The following CDC42SE2 variants were observed in gnomAD, a reference collection of about 807,000 sequenced individuals.
CDC42SE2 encodes the protein CDC42 small effector 2.
In CDC42SE2, 3 loss-of-function variants were observed where a neutral mutation model predicts 11.5. That is an observed-to-expected ratio of 0.26 (90% CI 0.12 to 0.67). The LOEUF (loss-of-function observed/expected upper bound fraction) is 0.67. CDC42SE2 is among the 30% of genes least tolerant of loss of function. CDC42SE2 has a pLI of 0.80. For missense variants in CDC42SE2, 82 were observed against 106.8 expected (o/e 0.77, Z 1.02); for synonymous variants, 33 against 34.8 (o/e 0.95, Z 0.18).
intron 1 of CDC42SE2, among the ~76,000 whole-genome samples, chr5:131,272,400 C>A (rs6596009): frequency 0.85 from 129,013 of 152,052 alleles, 55,370 homozygotes; most frequent in African/African-American, 0.97. Flanking sequence ...AACCTCTAGC[C>A]TCCCTTTTTT....
At chr5:131,265,829 T>C (rs1381629744) in intron 1 of CDC42SE2, among the ~76,000 whole-genome samples, 1 of 152,224 alleles carries the variant, frequency 6.6e-6, no homozygotes, top group African/African-American at 2.4e-5. Flanking sequence ...ATTATCTCCC[T>C]GGTCCCTATT....
the CDC42SE2 span, among the ~76,000 whole-genome samples, chr5:131,238,821 G>A: frequency 1.3e-5 from 2 of 151,178 alleles, no homozygotes; most frequent in South Asian, 2.1e-4. Flanking sequence ...TCTTTCATAC[G>A]CATTATCCTA....
At chr5:131,282,006 A>T (rs1206906479) in intron 1 of CDC42SE2, among the ~76,000 whole-genome samples, 1 of 152,220 alleles carries the variant, frequency 6.6e-6, no homozygotes, top group East Asian at 1.9e-4. Flanking sequence ...TGGACATTTC[A>T]CTTGAAAGTT....
At chr5:131,216,531 A>T in the CDC42SE2 span, among the ~76,000 whole-genome samples, 42,994 of 144,810 alleles carry the variant, frequency 0.3, 10,407 homozygotes, top group African/African-American at 0.69. Context: ...AACATTATAG[A>T]CTATAACTAA....
intron 3 of CDC42SE2, 56 bp from the exon 4 acceptor site, chr5:131,385,487 C>A: frequency 8.1e-7 from 1 of 1,241,862 alleles, no homozygotes; most frequent in Non-Finnish European, 1.2e-6. Context: ...AAAAATCCAT[C>A]AGAATAAGTT....
At chr5:131,307,893 C>T (rs765828804) in intron 1 of CDC42SE2, among the ~76,000 whole-genome samples, 40 of 152,188 alleles carry the variant, frequency 2.6e-4, no homozygotes, top group South Asian at 8.3e-4. Flanking sequence ...TCATATCCTT[C>T]GCCCACTTTT....
intron 3 of CDC42SE2, among the ~76,000 whole-genome samples, chr5:131,360,144 G>C (rs1184642802): frequency 4.6e-5 from 7 of 152,130 alleles, no homozygotes; most frequent in Admixed American, 4.6e-4. Context: ...TATTAAGACG[G>C]AGTTTCACTC....
chr5:131,290,222 G>A (rs966338294), intron 1 of CDC42SE2, among the ~76,000 whole-genome samples: 1 of 152,046 alleles, frequency 6.6e-6, no homozygotes, highest in Non-Finnish European at 1.5e-5. Context: ...GCTTGGATAC[G>A]TCAATTTTAG....
At chr5:131,349,962 CAAAA>C (rs1414344812) in intron 2 of CDC42SE2, among the ~76,000 whole-genome samples, 3 of 151,680 alleles carry the variant, frequency 2.0e-5, no homozygotes, top group Non-Finnish European at 4.4e-5. Flanking sequence ...TTTGTGAAAA[CAAAA>C]AACTTGATTT....
At chr5:131,296,801 C>G (rs1426957973) in intron 1 of CDC42SE2, among the ~76,000 whole-genome samples, 1 of 152,084 alleles carries the variant, frequency 6.6e-6, no homozygotes, top group Non-Finnish European at 1.5e-5. Context: ...TGTTGCTTCT[C>G]TATAGTAGTC....
At chr5:131,323,049 A>T (rs886170154) in intron 2 of CDC42SE2, among the ~76,000 whole-genome samples, 13 of 151,954 alleles carry the variant, frequency 8.6e-5, no homozygotes, top group Non-Finnish European at 1.6e-4. Context: ...TTCTTTTGAG[A>T]CAGGCTTTCA....
Position 131,393,648 on chromosome 5 carries a change from T to TAAA in CDC42SE2, c.*2557_*2558insAAA, listed in dbSNP as rs1750742947. 6.6e-6 allele frequency: 1 copy of TAAA among 152,360 alleles called. No homozygotes were observed. Among genetic ancestry groups the TAAA allele is most frequent in the Admixed American group, 6.5e-5 (1 of 15,280 alleles). 9.4% of individuals were successfully genotyped at this position (152,360 alleles called of 1,614,324 possible). On this transcript the variant is annotated 3_prime_UTR_variant, in exon 5 of 5. Transcript: ENST00000505065. The stretch of plus-strand genomic sequence containing the variant: ...TGTGCAAGCTCTTTAGAAGAGAGAT[T>TAAA]GGATTTTCTTGGCATTATCAGCACT...
chr5:131,310,054 G>A (rs1228580503), intron 1 of CDC42SE2, among the ~76,000 whole-genome samples: 2 of 151,992 alleles, frequency 1.3e-5, no homozygotes, highest in African/African-American at 4.8e-5. Flanking sequence ...GTCAATTTTG[G>A]ATCTTTCCTG....
At chr5:131,365,466 A>G (rs770933799) in intron 3 of CDC42SE2, among the ~76,000 whole-genome samples, 6 of 152,216 alleles carry the variant, frequency 3.9e-5, no homozygotes, top group African/African-American at 1.2e-4. Context: ...CTACTATGCA[A>G]TAATAACCTC....
chr5:131,277,462 C>T (rs908414667), intron 1 of CDC42SE2, among the ~76,000 whole-genome samples: 3 of 152,186 alleles, frequency 2.0e-5, no homozygotes, highest in Non-Finnish European at 4.4e-5. Flanking sequence ...CCATTCAGTA[C>T]ATTTATCAAA....
intron 4 of CDC42SE2, among the ~76,000 whole-genome samples, chr5:131,388,935 C>G (rs933610167): frequency 2.0e-5 from 3 of 152,070 alleles, no homozygotes; most frequent in African/African-American, 7.2e-5. Context: ...TAGGCTCAAT[C>G]GATCATCCTG....
At chr5:131,312,386 G>T (rs898670473) in intron 1 of CDC42SE2, among the ~76,000 whole-genome samples, 5 of 152,064 alleles carry the variant, frequency 3.3e-5, no homozygotes, top group Non-Finnish European at 4.4e-5. Flanking sequence ...AGAGGTTACT[G>T]CTTTTTGTTT....
intron 3 of CDC42SE2, among the ~76,000 whole-genome samples, chr5:131,374,230 A>G (rs73251104): frequency 0.011 from 1,745 of 152,318 alleles, 38 homozygotes; most frequent in African/African-American, 0.036. Flanking sequence ...TTAATCGGTT[A>G]TACCACGAGA....
chr5:131,368,555 G>A (rs1162689359), intron 3 of CDC42SE2, among the ~76,000 whole-genome samples: 1 of 152,150 alleles, frequency 6.6e-6, no homozygotes, highest in Non-Finnish European at 1.5e-5. Context: ...GGCCTGTTGG[G>A]ATTTGGATTA....
Sources: allele counts gnomAD v4.1 joint callset (sites outside exome capture counted in the v4.1 genomes callset), GRCh38; gene constraint gnomAD v4.1.1; transcripts MANE v1.5; gene names NCBI Gene and HGNC (gene_info 2026-07-23, HGNC 2026-07-21).